GPR137B: variants seen among roughly 807,000 people sequenced by gnomAD.
GPR137B encodes the protein G protein-coupled receptor 137B.
A neutral mutation model predicts 42.5 loss-of-function variants in GPR137B; 42 were observed. That is an observed-to-expected ratio of 0.99 (90% confidence interval 0.77 to 1.28). The LOEUF (loss-of-function observed/expected upper bound fraction) is 1.28. Among genes scored for constraint, GPR137B ranks in the 50% most tolerant of loss-of-function variants. The pLI is 0.00. For missense variants in GPR137B, 487 were observed against 493.9 expected, an observed-to-expected ratio of 0.99 and a Z score of 0.13; for synonymous variants, 218 against 209.7, an observed-to-expected ratio of 1.04 and a Z score of -0.34.
chr1:236,198,506 G>A (rs1663403765), intron 5 of GPR137B, among the ~76,000 whole-genome samples: 2 of 152,174 alleles, frequency 1.3e-5, no homozygotes, highest in African/African-American at 2.4e-5. Context: ...TATCCAGCCT[G>A]ATGATGGTAT....
At position 236,166,494 on chromosome 1, in the gene GPR137B, A is replaced by ATTATATATATTTATATATATACAT. The variant is rs1553362562; in HGVS notation, c.415-2211_415-2210insTATATATATTTATATATATACATT. 2.3e-4 allele frequency among the ~76,000 whole-genome samples: 32 copies of ATTATATATATTTATATATATACAT among 138,752 alleles called. 1 individual carries two copies. Among genetic ancestry groups the ATTATATATATTTATATATATACAT allele is most frequent in the African/African-American group, 9.2e-4 (31 of 33,626 alleles). 91.0% of individuals were successfully genotyped at this position (138,752 alleles called of 152,430 possible). Reference sequence around the variant, plus strand: ...ATACATTATATATATTTATATATACATATATATATTTATATATATACATTA... The same window carrying ATTATATATATTTATATATATACAT: ...ATACATTATATATATTTATATATACATTATATATATTTATATATATACATTATATATATTTATATATATACATTA... On this transcript the variant is annotated intron_variant, in intron 1 of 6. Transcript: ENST00000366592.
At chr1:236,167,170 ATGT>A (rs754172896) in intron 1 of GPR137B, among the ~76,000 whole-genome samples, 2 of 152,228 alleles carry the variant, frequency 1.3e-5, no homozygotes, top group Non-Finnish European at 2.9e-5. Flanking sequence ...GTGCACCGTG[ATGT>A]TTTGATAATA....
chr1:236,145,308 G>C (rs534917642), intron 1 of GPR137B, among the ~76,000 whole-genome samples: 1 of 152,328 alleles, frequency 6.6e-6, no homozygotes, highest in East Asian at 1.9e-4. Context: ...CTAAAGTGGG[G>C]AGCTTTAAGA....
intron 4 of GPR137B, among the ~76,000 whole-genome samples, chr1:236,182,005 G>A (rs1162605124): frequency 4.0e-5 from 6 of 150,218 alleles, no homozygotes; most frequent in Non-Finnish European, 7.4e-5. Context: ...CGATTCTTCT[G>A]CCTCAGCCTC....
chr1:236,146,273 A>G (rs756915668), intron 1 of GPR137B, among the ~76,000 whole-genome samples: 5 of 152,190 alleles, frequency 3.3e-5, no homozygotes, highest in African/African-American at 7.2e-5. Context: ...CAGTTAAGGC[A>G]CGATTTGCGG....
chr1:236,172,411 A>G (rs1662563995), intron 2 of GPR137B, among the ~76,000 whole-genome samples: 1 of 152,218 alleles, frequency 6.6e-6, no homozygotes, highest in African/African-American at 2.4e-5. Context: ...TCCTGTAGTA[A>G]TTCACTGGTT....
chr1:236,175,460 C>CAGTG (rs1476068363), intron 2 of GPR137B, among the ~76,000 whole-genome samples: 1 of 152,236 alleles, frequency 6.6e-6, no homozygotes, highest in Non-Finnish European at 1.5e-5. Flanking sequence ...AGTGGCCAGA[C>CAGTG]AGTGCGTTCC....
At chr1:236,158,826 T>C (rs1441638551) in intron 1 of GPR137B, among the ~76,000 whole-genome samples, 1 of 152,196 alleles carries the variant, frequency 6.6e-6, no homozygotes, top group Non-Finnish European at 1.5e-5. Flanking sequence ...ATGTGGGTCC[T>C]GGCTTAGGGG....
Position 236,172,787 on chromosome 1 carries a change from C to T in GPR137B, c.464+4032C>T, listed in dbSNP as rs978121922. Among the ~76,000 whole-genome samples the T allele has an allele frequency of 6.6e-5, 10 of 151,054 alleles. No homozygotes were observed. The East Asian group carries it at 1.2e-3, about 18-fold the overall frequency. Reference sequence around the variant, plus strand: ...ATAGCTTTAATCTCCTGGGCTCAAGCGATCCTCCTGCCTCTGCTTCCTGAG... The same window carrying T: ...ATAGCTTTAATCTCCTGGGCTCAAGTGATCCTCCTGCCTCTGCTTCCTGAG... On this transcript the variant is annotated intron_variant, in intron 2 of 6. Transcript: ENST00000366592.
In GPR137B at chr1:236,208,599, T is replaced by C. The variant is rs1222136265; in HGVS notation, c.*441T>C. The C allele has an allele frequency of 1.4e-5, 14 of 980,858 alleles. No homozygotes were observed. The highest frequency in any genetic ancestry group is 1.7e-5 in the Non-Finnish European group (14 of 825,150). 60.8% of individuals were successfully genotyped at this position (980,858 alleles called of 1,614,324 possible). A position where few individuals can be genotyped will look rare whatever the true frequency, so the allele number is the denominator to read the frequency against. On this transcript the variant is annotated 3_prime_UTR_variant, in exon 7 of 7. Transcript: ENST00000366592. ...AAGTATTCCACAAATCTTACCTCTT[T>C]AGGTCACTGATGGTCACTCCGATTC...
intron 1 of GPR137B, among the ~76,000 whole-genome samples, chr1:236,168,398 G>A (rs1054470337): frequency 6.0e-5 from 9 of 150,752 alleles, no homozygotes; most frequent in Admixed American, 5.3e-4. Context: ...ACTCCAGCTC[G>A]GGCAACAAGA....
At chr1:236,191,088 A>T (rs948253353) in intron 5 of GPR137B, among the ~76,000 whole-genome samples, 4 of 152,054 alleles carry the variant, frequency 2.6e-5, no homozygotes, top group Non-Finnish European at 5.9e-5. Flanking sequence ...TGTATCATTA[A>T]GTTGATCTTC....
chr1:236,160,727 G>A (rs1419434564), intron 1 of GPR137B, among the ~76,000 whole-genome samples: 5 of 151,890 alleles, frequency 3.3e-5, no homozygotes, highest in South Asian at 2.1e-4. Context: ...CAGCCTCCCC[G>A]TCAGTCGAGC....
At chr1:236,178,938 C>T (rs2102910824) in intron 3 of GPR137B, among the ~76,000 whole-genome samples, 1 of 151,394 alleles carries the variant, frequency 6.6e-6, no homozygotes, top group South Asian at 2.1e-4. Flanking sequence ...GCTGGGACTA[C>T]AGGCACCCAC....
chr1:236,154,874 G>A (rs1465283179), intron 1 of GPR137B, among the ~76,000 whole-genome samples: 1 of 152,196 alleles, frequency 6.6e-6, no homozygotes, highest in Non-Finnish European at 1.5e-5. Flanking sequence ...GGCCAGCGCT[G>A]GCCACCGGGA....
At chr1:236,168,893 A>T (rs1447523078) in intron 2 of GPR137B, 138 bp downstream of exon 2, 2 of 699,660 alleles carry the variant, frequency 2.9e-6, no homozygotes, top group East Asian at 5.1e-5. Flanking sequence ...CTGGCTGCCC[A>T]CATTGTGCAC....
chr1:236,174,590 AG>A (rs946251543), intron 2 of GPR137B, among the ~76,000 whole-genome samples: 4 of 152,184 alleles, frequency 2.6e-5, no homozygotes, highest in African/African-American at 9.6e-5. Flanking sequence ...TGGATTATAT[AG>A]GGGGTGGATG....
At chr1:236,163,583 C>G (rs975519822) in intron 1 of GPR137B, among the ~76,000 whole-genome samples, 1 of 152,018 alleles carries the variant, frequency 6.6e-6, no homozygotes, top group African/African-American at 2.4e-5. Context: ...TCACGGGGGC[C>G]GGTCTTTCTT....
intron 4 of GPR137B, among the ~76,000 whole-genome samples, chr1:236,182,046 C>T (rs1662900050): frequency 6.6e-6 from 1 of 151,998 alleles, no homozygotes; most frequent in Admixed American, 6.6e-5. Flanking sequence ...GCAAGCGCCA[C>T]CATGCCGGCT....
Sources: gnomAD v4.1 joint callset for allele counts (sites outside exome capture counted in the v4.1 genomes callset) on GRCh38, gnomAD v4.1.1 for gene constraint, MANE v1.5 for transcripts, NCBI Gene and HGNC (gene_info 2026-07-23, HGNC 2026-07-21) for gene names.